The following FCAR variants were observed in gnomAD, a reference collection of about 807,000 sequenced individuals.
FCAR encodes Fc alpha receptor.
A neutral mutation model predicts 27.1 loss-of-function variants in FCAR; 21 were observed. The ratio of observed to expected loss-of-function variants is 0.77; its 90% confidence interval spans 0.55 to 1.11. The LOEUF (loss-of-function observed/expected upper bound fraction) is 1.11, where lower values mean the gene tolerates loss of function less well. FCAR is among the 50% of genes most tolerant of loss of function. The pLI is 0.00. For missense variants in FCAR, 404 were observed against 358.4 expected, an observed-to-expected ratio of 1.13 and a Z score of -1.03; for synonymous variants, 134 against 135.8, an observed-to-expected ratio of 0.99 and a Z score of 0.09.
At position 54,888,022 on chromosome 19, in the gene FCAR, C is replaced by A. The variant is rs776564450; in HGVS notation, c.377C>A (p.Pro126His). 1.2e-6 allele frequency: 2 copies of A among 1,613,016 alleles called. No homozygotes were observed. The highest frequency in any genetic ancestry group is 1.7e-6 in the Non-Finnish European group (2 of 1,179,282). Residue 126 changes from proline to histidine, a missense_variant, in exon 4 of 5, where the codon CCC becomes CAC. Pro to His is a moderately conservative substitution (Grantham distance 77). Coordinates refer to ENST00000355524, the MANE Select transcript of FCAR (RefSeq NM_002000.4). ...TCTCTCTTAGGCTTGTATGGCAAACCCTTCCTCTCTGCAGATCGGGGTCTG... is the reference window on the plus strand; with the variant it reads ...TCTCTCTTAGGCTTGTATGGCAAACACTTCCTCTCTGCAGATCGGGGTCTG... ...ELVVTGLYGKPFLSADRGLVL... is the reference protein window; with the variant it reads ...ELVVTGLYGKHFLSADRGLVL...
At chr19:54,889,337 A>T (rs1000966533) in intron 4 of FCAR, among the ~76,000 whole-genome samples, 2 of 138,186 alleles carry the variant, frequency 1.4e-5, no homozygotes, top group South Asian at 2.3e-4. Context: ...ACGCCACTGC[A>T]CTCCAGCCTG....
chr19:54,890,029 C>T lies in FCAR; in HGVS notation c.*166C>T, dbSNP rs2066992963. Reference sequence around the variant, plus strand: ...AGGCTGGAGTGCAGTGGAGCAATCTCGGCTCATTGAACCTCTTGGGTTCAA... The same window carrying T: ...AGGCTGGAGTGCAGTGGAGCAATCTTGGCTCATTGAACCTCTTGGGTTCAA... On this transcript the variant is annotated 3_prime_UTR_variant, in exon 5 of 5. Coordinates refer to ENST00000355524, the MANE Select transcript of FCAR (RefSeq NM_002000.4). 8 of 604,308 alleles carry T rather than the reference C, an allele frequency of 1.3e-5. No homozygotes were observed. The highest frequency in any genetic ancestry group is 2.8e-5 in the East Asian group (1 of 36,254). 37.4% of individuals were successfully genotyped at this position (604,308 alleles called of 1,614,324 possible).
At chr19:54,876,681 A>G (rs587762808) in intron 2 of FCAR, among the ~76,000 whole-genome samples, 5,165 of 152,096 alleles carry the variant, frequency 0.034, 100 homozygotes, top group Middle Eastern at 0.078. Context: ...GCACTTTGGG[A>G]AGCCAAGGCT....
At chr19:54,878,456 G>A (rs1432749160) in intron 2 of FCAR, among the ~76,000 whole-genome samples, 2 of 152,088 alleles carry the variant, frequency 1.3e-5, no homozygotes, top group Admixed American at 1.3e-4. Context: ...AAGTCTCTTC[G>A]TTGGTCTCTC....
At chr19:54,889,575 G>A (rs192481519) in intron 4 of FCAR, 74 bp from the exon 5 acceptor site, 44 of 1,315,738 alleles carry the variant, frequency 3.3e-5, no homozygotes, top group Middle Eastern at 3.8e-4. Flanking sequence ...ATGAGCTCCC[G>A]TTTCAGGGCT....
At chr19:54,888,873 G>T in intron 4 of FCAR, 3 of 985,860 alleles carry the variant, frequency 3.0e-6, no homozygotes, top group Non-Finnish European at 3.6e-6. Context: ...TAGGTATTTA[G>T]TGAATTCACC....
rs764969776 is a variant in FCAR at position 54,885,292 on chromosome 19, G to C, written c.128G>C (p.Gly43Ala). The C allele has an allele frequency of 6.2e-7, 1 of 1,613,942 alleles. No individual in the cohort carries two copies. Among genetic ancestry groups the C allele is most frequent in the East Asian group, 2.2e-5 (1 of 44,878 alleles). The change falls in exon 3 of 5, where the codon GGA becomes GCA. Residue 43 changes from glycine to alanine, a missense_variant. Coordinates refer to ENST00000355524, the MANE Select transcript of FCAR (RefSeq NM_002000.4). ...AKSSPVIPLD[G>A]SVKIQCQAIR... The stretch of plus-strand genomic sequence containing the variant: ...TCGAGTCCTGTGATTCCCTTGGATG[G>C]ATCTGTGAAAATCCAGTGCCAGGCC...
At chr19:54,875,186 T>G in intron 1 of FCAR, 144 bp from the exon 2 acceptor site, 1 of 598,790 alleles carries the variant, frequency 1.7e-6, no homozygotes. Context: ...AAAAAAAAAA[T>G]GCCAGCTCTT....
rs1369001781 is a variant in FCAR, at chr19:54,885,313, A to G, written c.149A>G (p.Gln50Arg). 6.2e-7 allele frequency: 1 copy of G among 1,614,018 alleles called. No individual in the cohort carries two copies. The highest frequency in any genetic ancestry group is 1.1e-5 in the South Asian group (1 of 91,070). Residue 50 changes from glutamine to arginine, a missense_variant, in exon 3 of 5, where the codon CAG becomes CGG. Gln to Arg is a conservative substitution (Grantham distance 43). Coordinates refer to ENST00000355524, the MANE Select transcript of FCAR (RefSeq NM_002000.4). ...GATGGATCTGTGAAAATCCAGTGCCAGGCCATTCGTGAAGCTTACCTGACC... is the reference window on the plus strand; with the variant it reads ...GATGGATCTGTGAAAATCCAGTGCCGGGCCATTCGTGAAGCTTACCTGACC... ...PLDGSVKIQCQAIREAYLTQL... is the reference protein window; with the variant it reads ...PLDGSVKIQCRAIREAYLTQL...
At chr19:54,878,606 A>T (rs2066231849) in intron 2 of FCAR, among the ~76,000 whole-genome samples, 1 of 151,620 alleles carries the variant, frequency 6.6e-6, no homozygotes, top group Admixed American at 6.6e-5. Flanking sequence ...ACTCCTTAGC[A>T]GATTCCGACT....
At position 54,885,316 on chromosome 19, in the gene FCAR, C is replaced by T; in HGVS notation, c.152C>T (p.Ala51Val). The T allele has an allele frequency of 1.9e-6, 3 of 1,613,908 alleles. No homozygotes were observed. Among genetic ancestry groups the T allele is most frequent in the Non-Finnish European group, 2.5e-6 (3 of 1,179,904 alleles). ...GGATCTGTGAAAATCCAGTGCCAGGCCATTCGTGAAGCTTACCTGACCCAG... is the reference window on the plus strand; with the variant it reads ...GGATCTGTGAAAATCCAGTGCCAGGTCATTCGTGAAGCTTACCTGACCCAG... ...LDGSVKIQCQ[A>V]IREAYLTQLM... Residue 51 changes from alanine (A) to valine (V), a missense_variant, in exon 3 of 5, where the codon GCC (alanine) becomes GTC (valine). Ala to Val is a moderately conservative substitution (Grantham distance 64). Transcript: ENST00000355524.
intron 2 of FCAR, among the ~76,000 whole-genome samples, chr19:54,876,493 A>G (rs891582719): frequency 6.6e-6 from 1 of 152,198 alleles, no homozygotes; most frequent in Non-Finnish European, 1.5e-5. Context: ...TTATTTTGAA[A>G]TATGTTTCTT....
chr19:54,878,027 T>C (rs1176048315), intron 2 of FCAR, among the ~76,000 whole-genome samples: 1 of 151,820 alleles, frequency 6.6e-6, no homozygotes, highest in Non-Finnish European at 1.5e-5. Flanking sequence ...ACCATTCTCC[T>C]GCCTCAGCCT....
At chr19:54,887,875 C>T in intron 3 of FCAR, 132 bp from the exon 4 acceptor site, 1 of 639,832 alleles carries the variant, frequency 1.6e-6, no homozygotes, top group Non-Finnish European at 2.5e-6. Flanking sequence ...TGAGATCACG[C>T]CACTGCACTC....
chr19:54,877,473 G>A (rs991628776), intron 2 of FCAR, among the ~76,000 whole-genome samples: 15 of 151,910 alleles, frequency 9.9e-5, no homozygotes, highest in South Asian at 2.1e-4. Flanking sequence ...GTGTTTATCC[G>A]GATCATCTCT....
intron 3 of FCAR, among the ~76,000 whole-genome samples, chr19:54,885,840 G>A (rs2066688352): frequency 6.6e-6 from 1 of 152,222 alleles, no homozygotes; most frequent in African/African-American, 2.4e-5. Context: ...GGCTGGGAGT[G>A]GTGGCTCACG....
chr19:54,877,136 C>T (rs1160246596), intron 2 of FCAR, among the ~76,000 whole-genome samples: 2 of 152,184 alleles, frequency 1.3e-5, no homozygotes, highest in Admixed American at 6.5e-5. Flanking sequence ...GGAGGCATTC[C>T]TCCTCCTGAA....
Position 54,890,512 on chromosome 19 carries a change from C to G in FCAR, c.*649C>G, listed in dbSNP as rs1001066979. 1 of 152,034 alleles carries G rather than the reference C, an allele frequency of 6.6e-6. No homozygotes were observed. Among genetic ancestry groups the G allele is most frequent in the Non-Finnish European group, 1.5e-5 (1 of 68,034 alleles). The allele number at this position is 152,034 out of a possible 1,614,324, so 9.4% of individuals were successfully genotyped here. ...GCACGATCTCGGCTCACTGCAACCT[C>G]TGCCTCCTGGGTTCAAGTGATTCTC... On this transcript the variant is annotated 3_prime_UTR_variant, in exon 5 of 5. Coordinates refer to ENST00000355524, the MANE Select transcript of FCAR (RefSeq NM_002000.4).
intron 4 of FCAR, chr19:54,888,839 G>A (rs2066903109): frequency 1.0e-6 from 1 of 989,562 alleles, no homozygotes; most frequent in African/African-American, 1.7e-5. Context: ...ATTCCACCTT[G>A]TTCTGGTGTT....
Sources: allele counts gnomAD v4.1 joint callset (sites outside exome capture counted in the v4.1 genomes callset), GRCh38; gene constraint gnomAD v4.1.1; transcripts MANE v1.5; gene names NCBI Gene and HGNC (gene_info 2026-07-23, HGNC 2026-07-21).